CCDC18: variants seen among roughly 807,000 people sequenced by gnomAD.
CCDC18 encodes coiled-coil domain containing 18.
CCDC18 carries 157 observed loss-of-function variants against 196.0 expected under a neutral mutation model. That is an observed-to-expected ratio of 0.80 (90% confidence interval 0.70 to 0.91). The LOEUF is 0.91. Among genes scored for constraint, CCDC18 ranks in the 40% least tolerant of loss-of-function variants. The pLI is 0.00. For missense variants in CCDC18, 1,465 were observed against 1,611.6 expected, an observed-to-expected ratio of 0.91 and a Z score of 1.56; for synonymous variants, 482 against 529.2, an observed-to-expected ratio of 0.91 and a Z score of 1.22.
chr1:93,208,813 G>A (rs1005706198), intron 9 of CCDC18, among the ~76,000 whole-genome samples: 32 of 151,662 alleles, frequency 2.1e-4, no homozygotes, highest in African/African-American at 1.9e-4. Flanking sequence ...ACTATAGCAC[G>A]CACCACCATG....
At chr1:93,204,223 G>A (rs2101878794) in intron 7 of CCDC18, among the ~76,000 whole-genome samples, 1 of 152,232 alleles carries the variant, frequency 6.6e-6, no homozygotes, top group East Asian at 1.9e-4. Flanking sequence ...GATAGTCCAA[G>A]AGCAGAAGTG....
intron 17 of CCDC18, among the ~76,000 whole-genome samples, chr1:93,229,478 A>G (rs1658914979): frequency 6.6e-6 from 1 of 152,230 alleles, no homozygotes; most frequent in Non-Finnish European, 1.5e-5. Context: ...TGATTTGAGT[A>G]ATAGTGCATC....
intron 23 of CCDC18, among the ~76,000 whole-genome samples, chr1:93,252,603 A>C (rs1662409261): frequency 6.6e-6 from 1 of 152,176 alleles, no homozygotes; most frequent in African/African-American, 2.4e-5. Flanking sequence ...CATCTCCATC[A>C]CTTCAGGGTT....
intron 9 of CCDC18, among the ~76,000 whole-genome samples, chr1:93,208,463 C>G (rs777923831): frequency 1.6e-4 from 24 of 151,894 alleles, no homozygotes; most frequent in Non-Finnish European, 2.9e-4. Flanking sequence ...TCCCTAGTAG[C>G]TGGGACTACA....
intron 23 of CCDC18, among the ~76,000 whole-genome samples, chr1:93,248,210 T>C (rs1661761238): frequency 6.6e-6 from 1 of 151,940 alleles, no homozygotes; most frequent in African/African-American, 2.4e-5. Flanking sequence ...AGACGGCGTT[T>C]CACCATCTTG....
At chr1:93,223,860 G>T (rs1313469692) in intron 16 of CCDC18, among the ~76,000 whole-genome samples, 1 of 151,006 alleles carries the variant, frequency 6.6e-6, no homozygotes, top group South Asian at 2.1e-4. Flanking sequence ...CTTTGGTTCA[G>T]CAGAGTGGTG....
intron 23 of CCDC18, among the ~76,000 whole-genome samples, chr1:93,249,200 T>C (rs1255217644): frequency 6.6e-6 from 1 of 152,144 alleles, no homozygotes; most frequent in African/African-American, 2.4e-5. Context: ...CAGTAGGTTG[T>C]GTGGGTCCAG....
chr1:93,196,024 C>T lies in CCDC18; in HGVS notation c.698+2280C>T, dbSNP rs75717281. On this transcript the variant is annotated intron_variant, in intron 6 of 28. Transcript: ENST00000690025. ...AGAGATTACCTAAAACATAAGGACA[C>T]AGAAAAATTGAAAGCAGACTGGATG... Among the ~76,000 whole-genome samples, 423 of 152,106 alleles carry T rather than the reference C, an allele frequency of 2.8e-3. 1 individual carries two copies. The highest frequency in any genetic ancestry group is 4.8e-3 in the Non-Finnish European group (323 of 67,960).
intron 17 of CCDC18, among the ~76,000 whole-genome samples, chr1:93,226,928 C>A (rs1448358230): frequency 6.6e-6 from 1 of 152,000 alleles, no homozygotes; most frequent in Non-Finnish European, 1.5e-5. Flanking sequence ...CATTTCAATG[C>A]AAAATAGAAT....
At chr1:93,180,093 C>A (rs755954899), upstream of CCDC18, 1 of 1,613,524 alleles carries the variant, frequency 6.2e-7, no homozygotes, top group Admixed American at 1.7e-5. Context: ...GGGGCATGGG[C>A]TGGTAGAAGC....
chr1:93,202,574 G>C (rs960458569), intron 7 of CCDC18, among the ~76,000 whole-genome samples: 5 of 152,196 alleles, frequency 3.3e-5, no homozygotes, highest in Admixed American at 2.6e-4. Context: ...TAATATGGGA[G>C]ACTTCCATCT....
rs756252757 is a variant in CCDC18, at chr1:93,214,866, C to G, written c.1619C>G (p.Ser540Cys). The change falls in exon 12 of 29, where the codon TCT becomes TGT. Residue 540 changes from serine (S) to cysteine (C), a missense_variant. By Grantham distance (112) the Ser-to-Cys change is moderately radical. Coordinates refer to ENST00000690025, the MANE Select transcript of CCDC18 (RefSeq NM_001378204.1). ...CTGATACAAATAGAAGCTGAAAATT[C>G]TGATTTGAAGGTTAACATGGCTCAC... The part of the protein sequence containing the change: ...TKLIQIEAEN[S>C]DLKVNMAHRT... 9.3e-6 allele frequency: 15 copies of G among 1,613,568 alleles called. No individual in the cohort carries two copies. The East Asian group carries it at 3.3e-4, about 36-fold the overall frequency.
chr1:93,210,654 T>G, intron 9 of CCDC18, 148 bp from the exon 10 acceptor site: 1 of 551,170 alleles, frequency 1.8e-6, no homozygotes, highest in Non-Finnish European at 3.2e-6. Context: ...ATCTTAATAT[T>G]TCTTAATGTA....
chr1:93,191,929 GA>G lies in CCDC18; in HGVS notation c.463-64del, dbSNP rs1208497634. 30 of 1,062,050 alleles carry G rather than the reference GA, an allele frequency of 2.8e-5. No homozygotes were observed. In the East Asian group the frequency reaches 6.9e-4, roughly 24 times the overall value. The allele number at this position is 1,062,050 out of a possible 1,614,324, so 65.8% of individuals were successfully genotyped here. ...CCTATTGAACACCCTCATCTGACAGGAAAAAAACTAAGGACCAAGTAGGTTA... is the reference window on the plus strand; with the variant it reads ...CCTATTGAACACCCTCATCTGACAGGAAAAAACTAAGGACCAAGTAGGTTA... On this transcript the variant is annotated intron_variant, in intron 4 of 28. Transcript: ENST00000690025.
chr1:93,228,019 G>A (rs1164368790), intron 17 of CCDC18, among the ~76,000 whole-genome samples: 3 of 147,150 alleles, frequency 2.0e-5, no homozygotes, highest in Non-Finnish European at 4.5e-5. Flanking sequence ...AGTCAAGATC[G>A]ATTTGACTAT....
chr1:93,266,450 G>C (rs976997430), intron 27 of CCDC18, among the ~76,000 whole-genome samples: 2 of 152,126 alleles, frequency 1.3e-5, no homozygotes, highest in African/African-American at 4.8e-5. Flanking sequence ...GATCAGAGCA[G>C]AACTGAAGGA....
intron 17 of CCDC18, among the ~76,000 whole-genome samples, chr1:93,227,971 A>AAAATAT (rs57726461): frequency 0.014 from 1,764 of 125,256 alleles, 27 homozygotes; most frequent in African/African-American, 0.021. Context: ...AAAAAAAAAA[A>AAAATAT]ATATATATAT....
intron 21 of CCDC18, among the ~76,000 whole-genome samples, chr1:93,245,801 A>G (rs2100935093): frequency 6.6e-6 from 1 of 152,228 alleles, no homozygotes; most frequent in East Asian, 1.9e-4. Flanking sequence ...ATGTATTTTT[A>G]AAAATTCTTA....
At chr1:93,221,825 A>G in intron 15 of CCDC18, 34 bp from the exon 16 acceptor site, 1 of 1,581,016 alleles carries the variant, frequency 6.3e-7, no homozygotes, top group South Asian at 1.2e-5. Context: ...ATCTAATCAA[A>G]TCTGCATACT....
Sources: allele counts gnomAD v4.1 joint callset (sites outside exome capture counted in the v4.1 genomes callset), GRCh38; gene constraint gnomAD v4.1.1; transcripts MANE v1.5; gene names NCBI Gene and HGNC (gene_info 2026-07-23, HGNC 2026-07-21).